The following RFFL variants were observed in gnomAD, a reference collection of about 807,000 sequenced individuals.
RFFL encodes ring finger and FYVE like domain containing E3 ubiquitin protein ligase, also known as E3 ubiquitin-protein ligase rififylin.
RFFL carries 16 observed loss-of-function variants against 40.4 expected under a neutral mutation model. The observed-to-expected ratio is 0.40, with a 90% CI of 0.27 to 0.60. The LOEUF is 0.60. RFFL is among the 20% of genes least tolerant of loss of function. The pLI is 0.47. For synonymous variants in RFFL, 154 were observed against 167.9 expected (o/e 0.92, Z 0.64); for missense variants, 367 against 451.7 (o/e 0.81, Z 1.70).
chr17:35,077,172 G>T (rs568896723), intron 1 of RFFL, among the ~76,000 whole-genome samples: 2 of 151,386 alleles, frequency 1.3e-5, no homozygotes, highest in Admixed American at 1.3e-4. Flanking sequence ...TATCAACTTT[G>T]GTTCTGACCT....
chr17:35,035,387 C>CAACA (rs1436416647), intron 1 of RFFL, among the ~76,000 whole-genome samples: 1 of 148,660 alleles, frequency 6.7e-6, no homozygotes, highest in East Asian at 2.0e-4. Flanking sequence ...CCAGCCTGGG[C>CAACA]AACAGAGCGA....
intron 2 of RFFL, among the ~76,000 whole-genome samples, chr17:35,022,190 A>G (rs1348960445): frequency 6.6e-6 from 1 of 152,168 alleles, no homozygotes; most frequent in Non-Finnish European, 1.5e-5. Context: ...CAGTTTCCAC[A>G]TCTGTAAAAT....
intron 1 of RFFL, among the ~76,000 whole-genome samples, chr17:35,052,417 G>A (rs1889156617): frequency 6.6e-6 from 1 of 152,196 alleles, no homozygotes; most frequent in African/African-American, 2.4e-5. Flanking sequence ...GCCACAAAAG[G>A]ATGGAGAAAA....
At chr17:35,049,823 T>C (rs2091221268) in intron 1 of RFFL, among the ~76,000 whole-genome samples, 2 of 152,220 alleles carry the variant, frequency 1.3e-5, no homozygotes, top group Admixed American at 1.3e-4. Flanking sequence ...AGCTCACGCC[T>C]GTAATCCCAG....
At chr17:35,022,850 G>A (rs962003290) in intron 2 of RFFL, among the ~76,000 whole-genome samples, 8 of 152,336 alleles carry the variant, frequency 5.3e-5, no homozygotes, top group East Asian at 1.9e-4. Context: ...GGGTACTCTC[G>A]TTCCTGAAAG....
chr17:35,055,403 G>A lies in RFFL; in HGVS notation c.-9+8173C>T, dbSNP rs539000819. The stretch of plus-strand genomic sequence containing the variant: ...TTTAATTAAGCATTAGGCCAGGTGC[G>A]ATGGCTCACCTGTAATCCCAGCACT... On this transcript the variant is annotated intron_variant, in intron 1 of 6. Coordinates refer to ENST00000394597, the MANE Select transcript of RFFL (RefSeq NM_001017368.2). 2.5e-4 allele frequency among the ~76,000 whole-genome samples: 38 copies of A among 152,004 alleles called. 1 individual carries two copies. The South Asian group carries it at 5.2e-3, about 21-fold the overall frequency.
chr17:35,013,335 G>A (rs990305176), intron 6 of RFFL, among the ~76,000 whole-genome samples: 3 of 152,214 alleles, frequency 2.0e-5, no homozygotes, highest in African/African-American at 7.2e-5. Flanking sequence ...ATGCTAACTG[G>A]CTTGTGTCAC....
intron 1 of RFFL, among the ~76,000 whole-genome samples, chr17:35,050,719 T>C (rs949024175): frequency 4.0e-5 from 6 of 151,584 alleles, no homozygotes; most frequent in Non-Finnish European, 7.4e-5. Flanking sequence ...CAATGGCACA[T>C]GCCAGCACTT....
chr17:35,021,459 C>A lies in RFFL; in HGVS notation c.503G>T (p.Ser168Ile). Residue 168 changes from serine (S) to isoleucine (I), a missense_variant, in exon 3 of 7, where the codon AGC (serine) becomes ATC (isoleucine). Ser to Ile is a moderately radical substitution (Grantham distance 142). Coordinates refer to ENST00000394597, the MANE Select transcript of RFFL (RefSeq NM_001017368.2). ...GTTGGGTGAGGTAGGTGGAACCATG[C>A]TGGAGTGAGGCTGGGTCAGGAAGGC... Reference protein sequence around the residue: ...QQAFLTQPHSSMVPPTSPNLP... With the variant: ...QQAFLTQPHSIMVPPTSPNLP... 6.4e-7 allele frequency: 1 copy of A among 1,568,202 alleles called. No individual in the cohort carries two copies. The highest frequency in any genetic ancestry group is 8.6e-7 in the Non-Finnish European group (1 of 1,158,844).
chr17:35,044,743 G>A (rs2091187476), intron 1 of RFFL, among the ~76,000 whole-genome samples: 1 of 152,102 alleles, frequency 6.6e-6, no homozygotes, highest in Non-Finnish European at 1.5e-5. Context: ...GGTTATTTTG[G>A]CTTTAGGAAT....
At chr17:35,064,076 G>A (rs1449756974), upstream of RFFL, among the ~76,000 whole-genome samples, 2 of 152,176 alleles carry the variant, frequency 1.3e-5, no homozygotes, top group African/African-American at 2.4e-5. Flanking sequence ...TCCCCAGGAG[G>A]CTGATAAATA....
intron 1 of RFFL, among the ~76,000 whole-genome samples, chr17:35,059,415 T>C (rs577159538): frequency 2.6e-5 from 4 of 152,256 alleles, no homozygotes; most frequent in African/African-American, 7.2e-5. Flanking sequence ...GGTACAGACA[T>C]GTGCAGCCTT....
At chr17:35,040,841 CTTTT>C (rs869061281) in intron 1 of RFFL, among the ~76,000 whole-genome samples, 2,011 of 62,336 alleles carry the variant, frequency 0.032, 49 homozygotes, top group African/African-American at 0.1. Flanking sequence ...GCTTTAATGT[CTTTT>C]TTTTTTTTTT....
intron 1 of RFFL, among the ~76,000 whole-genome samples, chr17:35,047,188 T>C (rs915313902): frequency 1.3e-5 from 2 of 151,698 alleles, no homozygotes; most frequent in African/African-American, 4.8e-5. Context: ...GTAACCAGGA[T>C]TTTTTTTTAA....
At chr17:35,025,409 C>T (rs1251094878) in intron 2 of RFFL, 1 of 152,142 alleles carries the variant, frequency 6.6e-6, no homozygotes, top group Admixed American at 6.5e-5. Context: ...TTAACACATT[C>T]AATGTTCTTC....
chr17:35,061,118 G>T (rs2091288683), intron 1 of RFFL, among the ~76,000 whole-genome samples: 1 of 152,168 alleles, frequency 6.6e-6, no homozygotes. Flanking sequence ...CAACATGTAG[G>T]AAAGAATCCA....
intron 3 of RFFL, 43 bp downstream of exon 3, chr17:35,021,328 T>C (rs1278057716): frequency 6.7e-7 from 1 of 1,501,250 alleles, no homozygotes; most frequent in Non-Finnish European, 8.9e-7. Context: ...AAATGAGCCC[T>C]CAAACTGGCA....
intron 1 of RFFL, among the ~76,000 whole-genome samples, chr17:35,056,601 T>C (rs2091262992): frequency 6.6e-6 from 1 of 152,120 alleles, no homozygotes; most frequent in Non-Finnish European, 1.5e-5. Context: ...GGTCTCAAAC[T>C]CCTGACCTCA....
In RFFL at chr17:35,012,102, T is replaced by C; in HGVS notation, c.958A>G (p.Met320Val). 1 of 1,614,108 alleles carries C rather than the reference T, an allele frequency of 6.2e-7. No homozygotes were observed. The highest frequency in any genetic ancestry group is 8.5e-7 in the Non-Finnish European group (1 of 1,180,034). The part of the protein sequence containing the change: ...GLEENLCKIC[M>V]DSPIDCVLLE... ...AGAACACAGTCAATGGGTGAGTCCA[T>C]GCAGATCTTACACAGGTTCTCCTCC... is the stretch of plus-strand genomic sequence containing the variant. Residue 320 changes from methionine (M) to valine (V), a missense_variant, in exon 7 of 7, where the codon ATG becomes GTG. Met to Val is a conservative substitution (Grantham distance 21). Transcript: ENST00000394597.
Sources: allele counts gnomAD v4.1 joint callset (sites outside exome capture counted in the v4.1 genomes callset), GRCh38; gene constraint gnomAD v4.1.1; transcripts MANE v1.5; gene names NCBI Gene and HGNC (gene_info 2026-07-23, HGNC 2026-07-21).